Variants in CCNY observed in about 807,000 individuals in gnomAD.
CCNY encodes cyclin Y.
In CCNY, 19 loss-of-function variants were observed where a neutral mutation model predicts 42.8. The observed-to-expected ratio is 0.44, with a 90% CI of 0.31 to 0.65. The LOEUF (loss-of-function observed/expected upper bound fraction) is 0.65. Ranked by LOEUF, CCNY falls within the 30% of genes least tolerant of loss-of-function variation. The pLI, the probability that CCNY is intolerant of heterozygous loss-of-function variation, is 0.07. For synonymous variants in CCNY, 165 were observed against 162.7 expected (o/e 1.01, Z -0.11); for missense variants, 370 against 437.3 (o/e 0.85, Z 1.37).
intron 1 of CCNY, among the ~76,000 whole-genome samples, chr10:35,379,639 G>A (rs1026556617): frequency 2.6e-5 from 4 of 152,220 alleles, no homozygotes; most frequent in Non-Finnish European, 5.9e-5. Context: ...ACGAAGTGAT[G>A]TGTTTCAGCT....
At chr10:35,488,506 G>T (rs929259238) in intron 2 of CCNY, among the ~76,000 whole-genome samples, 2 of 152,110 alleles carry the variant, frequency 1.3e-5, no homozygotes, top group African/African-American at 4.8e-5. Context: ...AGGTGCTGGG[G>T]TGCCCCTTTC....
intron 1 of CCNY, among the ~76,000 whole-genome samples, chr10:35,465,938 A>AGAGAGAGTGT: frequency 3.3e-4 from 27 of 81,034 alleles, no homozygotes; most frequent in Admixed American, 2.0e-3. Flanking sequence ...AGAGAGAGAG[A>AGAGAGAGTGT]GTGTGTGTGT....
At chr10:35,443,379 T>A (rs573021821) in intron 1 of CCNY, among the ~76,000 whole-genome samples, 2 of 152,240 alleles carry the variant, frequency 1.3e-5, no homozygotes, top group African/African-American at 4.8e-5. Flanking sequence ...TACAGAAATA[T>A]TTTTTTCTTT....
Position 35,377,143 on chromosome 10 carries a change from A to G in CCNY, c.154+39936A>G, listed in dbSNP as rs1182554074. Among the ~76,000 whole-genome samples the G allele has an allele frequency of 2.6e-5, 4 of 152,286 alleles. No individual in the cohort carries two copies. In the East Asian group the frequency reaches 7.7e-4, roughly 29 times the overall value. On this transcript the variant is annotated intron_variant, in intron 1 of 9. Transcript: ENST00000374704. ...CTGAGTGTTGCCGTAATGTCATAGT[A>G]TAATTACTTTTTAAAAAAATATATA...
intron 3 of CCNY, among the ~76,000 whole-genome samples, chr10:35,254,663 C>CA (rs2095714220): frequency 6.6e-6 from 1 of 151,298 alleles, no homozygotes. Context: ...CCTGTCTCTA[C>CA]AAAAAAATAC....
intron 1 of CCNY, among the ~76,000 whole-genome samples, chr10:35,338,035 G>GTT (rs1836088951): frequency 2.6e-5 from 4 of 152,216 alleles, no homozygotes; most frequent in Non-Finnish European, 5.9e-5. Context: ...GGATATTTAT[G>GTT]CATCATGCTT....
At chr10:35,316,277 C>A (rs1387589635) in intron 3 of CCNY, 1 of 152,118 alleles carries the variant, frequency 6.6e-6, no homozygotes, top group Non-Finnish European at 1.5e-5. Flanking sequence ...GAGCATATGC[C>A]CCAGAAAAGA....
chr10:35,481,806 A>G (rs956488740), intron 1 of CCNY, among the ~76,000 whole-genome samples: 9 of 152,216 alleles, frequency 5.9e-5, no homozygotes, highest in African/African-American at 2.2e-4. Context: ...AACCCCTTTT[A>G]TATCCTAGTT....
intron 1 of CCNY, among the ~76,000 whole-genome samples, chr10:35,348,972 A>AC (rs763710136): frequency 2.0e-5 from 3 of 152,090 alleles, no homozygotes; most frequent in Non-Finnish European, 2.9e-5. Flanking sequence ...TGACCCTTGA[A>AC]CAACACTAAC....
intron 9 of CCNY, among the ~76,000 whole-genome samples, chr10:35,568,025 T>G (rs1841605844): frequency 6.6e-6 from 1 of 152,226 alleles, no homozygotes; most frequent in South Asian, 2.1e-4. Flanking sequence ...CTGTGGTCCC[T>G]GGTCCCCCTC....
chr10:35,507,997 C>T (rs1840249597), intron 3 of CCNY, among the ~76,000 whole-genome samples: 1 of 152,116 alleles, frequency 6.6e-6, no homozygotes, highest in African/African-American at 2.4e-5. Context: ...CTGGATCCTC[C>T]ACTGTCTGTT....
chr10:35,507,551 A>G (rs1007170807), intron 3 of CCNY, among the ~76,000 whole-genome samples: 1 of 152,234 alleles, frequency 6.6e-6, no homozygotes, highest in Non-Finnish European at 1.5e-5. Context: ...TGTAACCACA[A>G]TATTATCAAA....
At chr10:35,436,285 G>A (rs973752875) in intron 1 of CCNY, among the ~76,000 whole-genome samples, 1 of 152,232 alleles carries the variant, frequency 6.6e-6, no homozygotes, top group African/African-American at 2.4e-5. Context: ...TTCCTGGTGA[G>A]CTGATCCTTA....
rs183941518 is a variant in CCNY, at chr10:35,363,472, G to C, written c.154+26265G>C. 7.0e-3 allele frequency among the ~76,000 whole-genome samples: 1,068 copies of C among 152,326 alleles called. 11 individuals carry two copies. Among genetic ancestry groups the C allele is most frequent in the African/African-American group, 0.025 (1,019 of 41,564 alleles). ...TCCTCTCTTCCCAGACGGTGGGGCGGCCTGGTAGAGGCGGGGATACCAGAT... is the reference window on the plus strand; with the variant it reads ...TCCTCTCTTCCCAGACGGTGGGGCGCCCTGGTAGAGGCGGGGATACCAGAT... On this transcript the variant is annotated intron_variant, in intron 1 of 9. Coordinates refer to ENST00000374704, the MANE Select transcript of CCNY (RefSeq NM_145012.6).
chr10:35,453,084 C>A (rs1366179964), intron 1 of CCNY, among the ~76,000 whole-genome samples: 1 of 152,202 alleles, frequency 6.6e-6, no homozygotes, highest in African/African-American at 2.4e-5. Flanking sequence ...AAGCATTCCT[C>A]TTGTCTCAGC....
rs544933230 is a variant in CCNY at position 35,394,328 on chromosome 10, C to T, written c.154+57121C>T. Among the ~76,000 whole-genome samples the T allele has an allele frequency of 5.3e-5, 8 of 152,326 alleles. No homozygotes were observed. The East Asian group carries it at 5.8e-4, about 11-fold the overall frequency. On this transcript the variant is annotated intron_variant, in intron 1 of 9. Transcript: ENST00000374704. ...GGTTAATGGTGAAAATGCTGAAATA[C>T]AAGAACTGCCCAAACTGCCTTGATT...
At chr10:35,389,198 A>T (rs1389620603) in intron 1 of CCNY, among the ~76,000 whole-genome samples, 1 of 152,150 alleles carries the variant, frequency 6.6e-6, no homozygotes, top group Non-Finnish European at 1.5e-5. Context: ...AGATTATATT[A>T]GAAGTTGTCT....
At chr10:35,388,979 G>C (rs1837353330) in intron 1 of CCNY, among the ~76,000 whole-genome samples, 1 of 152,194 alleles carries the variant, frequency 6.6e-6, no homozygotes, top group African/African-American at 2.4e-5. Context: ...CCACTTTTAA[G>C]GAGATTGCTT....
At chr10:35,302,306 C>A (rs1311722045) in intron 3 of CCNY, among the ~76,000 whole-genome samples, 3 of 143,020 alleles carry the variant, frequency 2.1e-5, no homozygotes, top group African/African-American at 7.9e-5. Flanking sequence ...ACTTTGACAT[C>A]TTAATTTTTT....
Sources: gnomAD v4.1 joint callset for allele counts (sites outside exome capture counted in the v4.1 genomes callset) on GRCh38, gnomAD v4.1.1 for gene constraint, MANE v1.5 for transcripts, NCBI Gene and HGNC (gene_info 2026-07-23, HGNC 2026-07-21) for gene names.